Variants in ATP23 observed in about 807,000 individuals in gnomAD.
The protein encoded by ATP23 is ATP23 metallopeptidase and ATP synthase assembly factor homolog, also known as mitochondrial inner membrane protease ATP23 homolog.
A neutral mutation model predicts 28.5 loss-of-function variants in ATP23; 24 were observed. The observed-to-expected ratio is 0.84, with a 90% CI of 0.61 to 1.18. The LOEUF (loss-of-function observed/expected upper bound fraction) is 1.18, where lower values mean the gene tolerates loss of function less well. Ranked by LOEUF, ATP23 falls within the 50% of genes most tolerant of loss-of-function variation. ATP23 has a pLI of 0.00. For missense variants in ATP23, 274 were observed against 306.4 expected (o/e 0.89, Z 0.79); for synonymous variants, 99 against 108.6 (o/e 0.91, Z 0.55).
At chr12:57,947,572 T>G (rs528883329) in intron 3 of ATP23, among the ~76,000 whole-genome samples, 2 of 152,208 alleles carry the variant, frequency 1.3e-5, no homozygotes, top group Non-Finnish European at 2.9e-5. Flanking sequence ...TGGGAGGTTT[T>G]GAATGCTAAA....
intron 5 of ATP23, among the ~76,000 whole-genome samples, chr12:57,954,522 AC>A (rs1453673004): frequency 6.6e-6 from 1 of 152,228 alleles, no homozygotes; most frequent in African/African-American, 2.4e-5. Context: ...AAAACAAAAA[AC>A]AAAAGAGAGC....
chr12:57,949,822 A>C (rs907763641), intron 3 of ATP23: 1 of 152,146 alleles, frequency 6.6e-6, no homozygotes, highest in African/African-American at 2.4e-5. Flanking sequence ...GACACTTCAG[A>C]CTTGAAATGT....
chr12:57,946,713 C>A (rs1251569319), intron 2 of ATP23, among the ~76,000 whole-genome samples: 1 of 152,064 alleles, frequency 6.6e-6, no homozygotes, highest in Non-Finnish European at 1.5e-5. Context: ...GCCTCGGCCT[C>A]CCAAAGTGCT....
Position 57,941,659 on chromosome 12 carries a change from C to A in ATP23, c.-43C>A. On this transcript the variant is annotated 5_prime_UTR_variant, in exon 1 of 6. Transcript: ENST00000300145. ...GTTACCTTTCCCAGTCTCGCTCTGG[C>A]CGCCTGAGCCAGGAGGAAGCAGCGG... is the stretch of plus-strand genomic sequence containing the variant. 1.3e-6 allele frequency: 2 copies of A among 1,585,536 alleles called. No individual in the cohort carries two copies. The highest frequency in any genetic ancestry group is 2.3e-5 in the East Asian group (1 of 43,968).
chr12:57,955,051 T>C (rs189410475), intron 5 of ATP23, among the ~76,000 whole-genome samples: 3 of 152,030 alleles, frequency 2.0e-5, no homozygotes, highest in Admixed American at 2.0e-4. Flanking sequence ...TGGCTGTCAG[T>C]GGAGAGGGTG....
chr12:57,945,775 A>G, intron 2 of ATP23, 102 bp downstream of exon 2: 1 of 1,126,910 alleles, frequency 8.9e-7, no homozygotes, highest in Non-Finnish European at 1.3e-6. Context: ...CTGAGGTCAC[A>G]AAGTCTTTTC....
At chr12:57,946,908 T>C (rs1956767084) in intron 2 of ATP23, 87 bp from the exon 3 acceptor site, 2 of 1,059,010 alleles carry the variant, frequency 1.9e-6, no homozygotes, top group South Asian at 1.4e-5. Flanking sequence ...ATTTACTATA[T>C]GGTGGAGGGT....
rs932748183 is a variant in ATP23, at chr12:57,958,528, C to T, written c.*1638C>T. Reference sequence around the variant, plus strand: ...CTGGAACAGGTGCTGGTATCCACAGCCGAGAGACCCATAGACGGTTCACAT... The same window carrying T: ...CTGGAACAGGTGCTGGTATCCACAGTCGAGAGACCCATAGACGGTTCACAT... On this transcript the variant is annotated 3_prime_UTR_variant, in exon 6 of 6. Transcript: ENST00000300145. Among the ~76,000 whole-genome samples the T allele has an allele frequency of 2.6e-5, 4 of 152,182 alleles. No homozygotes were observed. Among genetic ancestry groups the T allele is most frequent in the South Asian group, 4.1e-4 (2 of 4,826 alleles).
intron 3 of ATP23, chr12:57,949,616 C>G (rs754725189): frequency 6.6e-6 from 1 of 152,386 alleles, no homozygotes; most frequent in Non-Finnish European, 1.5e-5. Context: ...ATCTCAGCCT[C>G]CTGAGTAGTT....
chr12:57,956,660 G>A (rs1216482171), intron 5 of ATP23, 27 bp from the exon 6 acceptor site: 5 of 1,498,202 alleles, frequency 3.3e-6, no homozygotes, highest in Non-Finnish European at 4.5e-6. Flanking sequence ...TATAAAATTA[G>A]AGCCTCATAC....
intron 2 of ATP23, among the ~76,000 whole-genome samples, chr12:57,945,921 G>A (rs889633724): frequency 4.7e-5 from 7 of 150,012 alleles, no homozygotes; most frequent in East Asian, 2.0e-4. Context: ...GTGGGAGTGC[G>A]TTGGTGCTGT....
chr12:57,947,123 T>A (rs771564396), intron 3 of ATP23, 47 bp downstream of exon 3: 8 of 1,569,900 alleles, frequency 5.1e-6, no homozygotes, highest in Non-Finnish European at 7.0e-6. Flanking sequence ...TCCTCTCTCT[T>A]TATATTTTTT....
At chr12:57,952,027 C>T in intron 4 of ATP23, 132 bp downstream of exon 4, 1 of 1,062,804 alleles carries the variant, frequency 9.4e-7, no homozygotes, top group Non-Finnish European at 1.4e-6. Context: ...TTATAACTAA[C>T]ATTGAATACC....
chr12:57,945,061 A>G (rs1259633182), intron 1 of ATP23, among the ~76,000 whole-genome samples: 2 of 152,208 alleles, frequency 1.3e-5, no homozygotes, highest in Admixed American at 1.3e-4. Context: ...ATATACCGTA[A>G]TACAACGTGT....
chr12:57,956,764 T>C lies in ATP23; in HGVS notation c.615T>C (p.Val205=), dbSNP rs773500192. 1 of 1,614,040 alleles carries C rather than the reference T, an allele frequency of 6.2e-7. No homozygotes were observed. Among genetic ancestry groups the C allele is most frequent in the Non-Finnish European group, 8.5e-7 (1 of 1,179,960 alleles). The change falls in exon 6 of 6, where the codon GTT becomes GTC. Residue 205 remains valine (V), a synonymous_variant. Coordinates refer to ENST00000300145, the MANE Select transcript of ATP23 (RefSeq NM_033276.4). ...NISKEVAKKA[V]DEVFESCFND... ...GCAAAGAAGTAGCTAAAAAGGCTGT[T>C]GATGAAGTTTTTGAATCTTGTTTCA...
chr12:57,942,026 G>C (rs779418925), intron 1 of ATP23, 138 bp downstream of exon 1: 21 of 1,077,062 alleles, frequency 1.9e-5, no homozygotes, highest in Non-Finnish European at 2.6e-5. Context: ...CATGGGGGCT[G>C]GGTTGGGAGC....
In ATP23 at chr12:57,942,860, C is replaced by T. The variant is rs534224486; in HGVS notation, c.187+972C>T. Reference sequence around the variant, plus strand: ...ACTGCCCATTGACAAATTTCTCTCCCGTCCCAGAGACATTGCACTAGAGAA... The same window carrying T: ...ACTGCCCATTGACAAATTTCTCTCCTGTCCCAGAGACATTGCACTAGAGAA... On this transcript the variant is annotated intron_variant, in intron 1 of 5. Transcript: ENST00000300145. Among the ~76,000 whole-genome samples, 7 of 152,284 alleles carry T rather than the reference C, an allele frequency of 4.6e-5. No individual in the cohort carries two copies. The South Asian group carries it at 1.2e-3, about 27-fold the overall frequency.
intron 3 of ATP23, among the ~76,000 whole-genome samples, chr12:57,951,056 A>G (rs2140535784): frequency 6.6e-6 from 1 of 152,322 alleles, no homozygotes; most frequent in East Asian, 1.9e-4. Context: ...AATGGCAGCT[A>G]TTACTATTAG....
At chr12:57,948,091 C>T (rs1037824647) in intron 3 of ATP23, among the ~76,000 whole-genome samples, 4 of 152,126 alleles carry the variant, frequency 2.6e-5, no homozygotes, top group East Asian at 1.9e-4. Flanking sequence ...AGTTATTTTT[C>T]TTCTTCTCAG....
Sources: allele counts gnomAD v4.1 joint callset (sites outside exome capture counted in the v4.1 genomes callset), GRCh38; gene constraint gnomAD v4.1.1; transcripts MANE v1.5; gene names NCBI Gene and HGNC (gene_info 2026-07-23, HGNC 2026-07-21).